The following CCDC91 variants were observed in gnomAD, a reference collection of about 807,000 sequenced individuals.
CCDC91 encodes coiled-coil domain-containing protein 91.
In CCDC91, 48 loss-of-function variants were observed where a neutral mutation model predicts 63.2. The ratio of observed to expected loss-of-function variants is 0.76; its 90% confidence interval spans 0.60 to 0.97. The LOEUF (loss-of-function observed/expected upper bound fraction) is 0.97. CCDC91 is among the 50% of genes least tolerant of loss of function. The pLI is 0.00. For missense variants in CCDC91, 500 were observed against 494.6 expected, an observed-to-expected ratio of 1.01 and a Z score of -0.10; for synonymous variants, 167 against 165.8, an observed-to-expected ratio of 1.01 and a Z score of -0.06.
At chr12:28,275,964 A>G (rs1041216504) in intron 3 of CCDC91, among the ~76,000 whole-genome samples, 5 of 152,224 alleles carry the variant, frequency 3.3e-5, no homozygotes, top group African/African-American at 9.6e-5. Context: ...TATTGATGGG[A>G]CGTATCTCAA....
chr12:28,306,982 A>C, intron 5 of CCDC91, 37 bp downstream of exon 5: 1 of 1,292,422 alleles, frequency 7.7e-7, no homozygotes, highest in Non-Finnish European at 1.1e-6. Context: ...TTTGAATTGC[A>C]AATATTAGAA....
intron 8 of CCDC91, among the ~76,000 whole-genome samples, chr12:28,414,934 T>C (rs912209858): frequency 3.3e-5 from 5 of 152,184 alleles, no homozygotes; most frequent in African/African-American, 7.2e-5. Context: ...TCCTCTTGTT[T>C]AATGCATTAA....
intron 1 of CCDC91, among the ~76,000 whole-genome samples, chr12:28,209,505 C>T (rs1034180304): frequency 5.4e-5 from 8 of 149,474 alleles, no homozygotes; most frequent in African/African-American, 2.0e-4. Flanking sequence ...GATCTCGGCT[C>T]ACTGCAACCT....
intron 12 of CCDC91, among the ~76,000 whole-genome samples, chr12:28,530,332 G>A (rs1941629038): frequency 6.6e-6 from 1 of 152,174 alleles, no homozygotes; most frequent in African/African-American, 2.4e-5. Context: ...ACATGCAGAG[G>A]AGCTGAGGCC....
chr12:28,344,532 A>G (rs1027889381), intron 6 of CCDC91, among the ~76,000 whole-genome samples: 2 of 152,146 alleles, frequency 1.3e-5, no homozygotes, highest in African/African-American at 4.8e-5. Context: ...CGGCATATAT[A>G]GTCTTCACTC....
chr12:28,329,983 T>C (rs1355616075), intron 6 of CCDC91, among the ~76,000 whole-genome samples: 1 of 152,206 alleles, frequency 6.6e-6, no homozygotes, highest in Non-Finnish European at 1.5e-5. Context: ...CCATGGTGTA[T>C]ATGTGCCACA....
At chr12:28,236,748 TTTA>T (rs1944976165) in intron 1 of CCDC91, 1 of 152,114 alleles carries the variant, frequency 6.6e-6, no homozygotes, top group Admixed American at 6.5e-5. Context: ...CAGATTAGAA[TTTA>T]TTTTCATTAT....
In CCDC91 at chr12:28,275,218, T is replaced by A. The variant is rs536006324; in HGVS notation, c.109+15776T>A. On this transcript the variant is annotated intron_variant, in intron 3 of 12. Coordinates refer to ENST00000536442, the MANE Select transcript of CCDC91 (RefSeq NM_018318.5). ...AAAAGATCAACAAAATTGATAGACC[T>A]CTAGCAAGACTAATAAAGAAGAAAA... Among the ~76,000 whole-genome samples, 6 of 151,732 alleles carry A rather than the reference T, an allele frequency of 4.0e-5. No homozygotes were observed. In the East Asian group the frequency reaches 1.2e-3, roughly 29 times the overall value.
intron 8 of CCDC91, among the ~76,000 whole-genome samples, chr12:28,421,557 T>TA (rs1019221744): frequency 5.9e-5 from 9 of 151,608 alleles, no homozygotes; most frequent in African/African-American, 1.5e-4. Flanking sequence ...TTTTTTTTTT[T>TA]ATGTCTTTCT....
chr12:28,216,024 C>T (rs1943540901), intron 1 of CCDC91, among the ~76,000 whole-genome samples: 1 of 151,962 alleles, frequency 6.6e-6, no homozygotes, highest in Non-Finnish European at 1.5e-5. Flanking sequence ...AATAGCAATA[C>T]TTAGTAGTAC....
chr12:28,497,629 C>T (rs1425473781), intron 12 of CCDC91, among the ~76,000 whole-genome samples: 1 of 151,520 alleles, frequency 6.6e-6, no homozygotes, highest in Non-Finnish European at 1.5e-5. Flanking sequence ...GTATATCCAG[C>T]AGCGTACATT....
chr12:28,256,170 A>C (rs1348271914), intron 1 of CCDC91: 1 of 152,160 alleles, frequency 6.6e-6, no homozygotes, highest in Non-Finnish European at 1.5e-5. Flanking sequence ...TTTATTACAA[A>C]GACAAACTCC....
At chr12:28,281,354 C>A (rs574046582) in intron 3 of CCDC91, among the ~76,000 whole-genome samples, 1 of 152,078 alleles carries the variant, frequency 6.6e-6, no homozygotes, top group African/African-American at 2.4e-5. Context: ...TCAGGAAGGG[C>A]GGGTTAGAAC....
chr12:28,470,424 A>C (rs1180978408), intron 11 of CCDC91, among the ~76,000 whole-genome samples: 1 of 152,132 alleles, frequency 6.6e-6, no homozygotes, highest in Non-Finnish European at 1.5e-5. Context: ...TATCCAGAAG[A>C]CATGCAAGAA....
At chr12:28,507,542 C>T (rs1237659025) in intron 12 of CCDC91, among the ~76,000 whole-genome samples, 1 of 151,964 alleles carries the variant, frequency 6.6e-6, no homozygotes, top group African/African-American at 2.4e-5. Context: ...ACAAACTATT[C>T]TGAATATTTG....
intron 3 of CCDC91, among the ~76,000 whole-genome samples, chr12:28,299,870 G>A (rs1201547056): frequency 6.6e-6 from 1 of 150,836 alleles, no homozygotes; most frequent in East Asian, 1.9e-4. Context: ...GGTTTTAAAT[G>A]TTCTTTATTT....
At chr12:28,298,020 G>A (rs1393938456) in intron 3 of CCDC91, among the ~76,000 whole-genome samples, 2 of 151,734 alleles carry the variant, frequency 1.3e-5, no homozygotes, top group Non-Finnish European at 3.0e-5. Context: ...GTGAAGCTAT[G>A]TGAATTGTAG....
At chr12:28,209,163 C>G (rs1178812159) in intron 1 of CCDC91, among the ~76,000 whole-genome samples, 2 of 152,136 alleles carry the variant, frequency 1.3e-5, no homozygotes. Flanking sequence ...AAATTTCACC[C>G]TTGCATTAGT....
intron 3 of CCDC91, among the ~76,000 whole-genome samples, chr12:28,282,858 A>G (rs1369137432): frequency 6.6e-6 from 1 of 152,064 alleles, no homozygotes; most frequent in Non-Finnish European, 1.5e-5. Context: ...TTAAGTCTTT[A>G]ATACATCTTG....
Sources: gnomAD v4.1 joint callset for allele counts (sites outside exome capture counted in the v4.1 genomes callset) on GRCh38, gnomAD v4.1.1 for gene constraint, MANE v1.5 for transcripts, NCBI Gene and HGNC (gene_info 2026-07-23, HGNC 2026-07-21) for gene names.